The following PSD2 variants were observed in gnomAD, a reference collection of about 807,000 sequenced individuals.
The protein encoded by PSD2 is PH and SEC7 domain-containing protein 2.
In PSD2, 38 loss-of-function variants were observed where a neutral mutation model predicts 69.8. That is an observed-to-expected ratio of 0.54 (90% CI 0.42 to 0.71). The LOEUF is 0.71. Among genes scored for constraint, PSD2 ranks in the 30% least tolerant of loss-of-function variants. The pLI is 0.00. For synonymous variants in PSD2, 412 were observed against 423.0 expected (o/e 0.97, Z 0.32); for missense variants, 943 against 1,014.5 (o/e 0.93, Z 0.96).
chr5:139,778,119 G>A, the PSD2 span, among the ~76,000 whole-genome samples: 5 of 152,248 alleles, frequency 3.3e-5, no homozygotes, highest in Non-Finnish European at 5.9e-5. Flanking sequence ...CACTGCAAAT[G>A]TCAGTCAAAG....
At chr5:139,786,739 T>C in the PSD2 span, among the ~76,000 whole-genome samples, 1 of 152,074 alleles carries the variant, frequency 6.6e-6, no homozygotes, top group Non-Finnish European at 1.5e-5. Context: ...CTGCTTGTAC[T>C]GCACTGTTGG....
chr5:139,759,159 C>T, the PSD2 span, among the ~76,000 whole-genome samples: 1 of 152,170 alleles, frequency 6.6e-6, no homozygotes, highest in Non-Finnish European at 1.5e-5. Context: ...CTCCCCCATT[C>T]TCCGTCTCTC....
At chr5:139,797,032 G>A (rs1399400191) in intron 1 of PSD2, among the ~76,000 whole-genome samples, 1 of 152,162 alleles carries the variant, frequency 6.6e-6, no homozygotes, top group Non-Finnish European at 1.5e-5. Context: ...TGGGGGTGGG[G>A]GGGTTCACTG....
chr5:139,843,661 T>C lies in PSD2; in HGVS notation c.*1187T>C, dbSNP rs552758971. 6.6e-6 allele frequency: 1 copy of C among 152,380 alleles called. No individual in the cohort carries two copies. Among genetic ancestry groups the C allele is most frequent in the East Asian group, 1.9e-4 (1 of 5,184 alleles). The allele number at this position is 152,380 out of a possible 1,614,324, so 9.4% of individuals were successfully genotyped here. A position where few individuals can be genotyped will look rare whatever the true frequency, so the allele number is the denominator to read the frequency against. ...GGAATGACAAGTTATTGATTGTTTT[T>C]CTGTCGCTATTTCTTTCATTTGTCT... On this transcript the variant is annotated 3_prime_UTR_variant, in exon 15 of 15. Coordinates refer to ENST00000274710, the MANE Select transcript of PSD2 (RefSeq NM_032289.4).
At chr5:139,776,495 T>G in the PSD2 span, among the ~76,000 whole-genome samples, 1 of 152,126 alleles carries the variant, frequency 6.6e-6, no homozygotes, top group Non-Finnish European at 1.5e-5. Context: ...AACGGCTGGA[T>G]GACCCCAGAA....
chr5:139,792,781 C>T (rs539636802), upstream of PSD2, among the ~76,000 whole-genome samples: 2 of 144,124 alleles, frequency 1.4e-5, no homozygotes, highest in African/African-American at 2.7e-5. Flanking sequence ...CTTCCTTCCT[C>T]CCTCCCTCCC....
At chr5:139,749,359 C>T in the PSD2 span, among the ~76,000 whole-genome samples, 1 of 152,178 alleles carries the variant, frequency 6.6e-6, no homozygotes. Flanking sequence ...GGTGTGTTGT[C>T]CTGATCTTCT....
chr5:139,813,383 T>G lies in PSD2; in HGVS notation c.446T>G (p.Leu149Arg). 6.2e-7 allele frequency: 1 copy of G among 1,603,574 alleles called. No individual in the cohort carries two copies. The highest frequency in any genetic ancestry group is 8.5e-7 in the Non-Finnish European group (1 of 1,171,576). The change falls in exon 3 of 15, where the codon CTG (leucine) becomes CGG (arginine). Residue 149 changes from leucine to arginine, a missense_variant. By Grantham distance (102) the Leu-to-Arg change is moderately radical. Around this residue, in one of 3 missense-constraint regions of PSD2, gnomAD observed 466 missense variants for 445.0 expected, o/e 1.05. Transcript: ENST00000274710. Reference sequence around the variant, plus strand: ...TTTGAGAAGATTCTGGAGTCAGAGCTGCTGCGGGGCACCCAGTACAGCAGC... The same window carrying G: ...TTTGAGAAGATTCTGGAGTCAGAGCGGCTGCGGGGCACCCAGTACAGCAGC... Reference protein sequence around the residue: ...ATFEKILESELLRGTQYSSLD... With the variant: ...ATFEKILESERLRGTQYSSLD...
chr5:139,780,553 C>A, the PSD2 span, among the ~76,000 whole-genome samples: 1 of 152,092 alleles, frequency 6.6e-6, no homozygotes. Flanking sequence ...AAGTGATTCT[C>A]CTGCCTCAGC....
intron 5 of PSD2, among the ~76,000 whole-genome samples, chr5:139,819,349 G>T (rs1760199585): frequency 6.6e-6 from 1 of 152,164 alleles, no homozygotes; most frequent in East Asian, 1.9e-4. Context: ...CCCCTTGTTG[G>T]CTCAGAAGCC....
At chr5:139,823,407 C>T (rs929403117) in intron 7 of PSD2, among the ~76,000 whole-genome samples, 18 of 152,214 alleles carry the variant, frequency 1.2e-4, no homozygotes, top group African/African-American at 4.1e-4. Flanking sequence ...CTGGCTCCAC[C>T]CCATCTCTGC....
At chr5:139,808,432 T>G (rs1334809046) in intron 1 of PSD2, among the ~76,000 whole-genome samples, 1 of 152,144 alleles carries the variant, frequency 6.6e-6, no homozygotes, top group African/African-American at 2.4e-5. Flanking sequence ...GGTCTCCTCA[T>G]TTTACAGAAG....
chr5:139,779,132 A>ATT, the PSD2 span, among the ~76,000 whole-genome samples: 2 of 151,754 alleles, frequency 1.3e-5, no homozygotes, highest in African/African-American at 4.9e-5. Context: ...TTTATTTATT[A>ATT]ATTTTTTTTA....
At chr5:139,838,372 T>A (rs889019) in intron 12 of PSD2, among the ~76,000 whole-genome samples, 2 of 152,142 alleles carry the variant, frequency 1.3e-5, no homozygotes, top group Non-Finnish European at 2.9e-5. Flanking sequence ...CCAGGGCCAC[T>A]AGCTGTGGAC....
chr5:139,785,590 CACTT>C, the PSD2 span, among the ~76,000 whole-genome samples: 1 of 152,164 alleles, frequency 6.6e-6, no homozygotes, highest in Non-Finnish European at 1.5e-5. Flanking sequence ...TTATATACTT[CACTT>C]ACTTATTATG....
In PSD2 at chr5:139,844,209, C is replaced by G. The variant is rs1401469725; in HGVS notation, c.*1735C>G. ...GTGAGTTTCGGGGTCAGTGTCCCAC[C>G]CTTCACTTCCCGAGGGCGGGTGAGT... is the stretch of plus-strand genomic sequence containing the variant. On this transcript the variant is annotated 3_prime_UTR_variant, in exon 15 of 15. Coordinates refer to ENST00000274710, the MANE Select transcript of PSD2 (RefSeq NM_032289.4). 6.6e-6 allele frequency: 1 copy of G among 152,214 alleles called. No individual in the cohort carries two copies. The highest frequency in any genetic ancestry group is 1.5e-5 in the Non-Finnish European group (1 of 68,046). The allele number at this position is 152,214 out of a possible 1,614,324, so 9.4% of individuals were successfully genotyped here. A position where few individuals can be genotyped will look rare whatever the true frequency, so the allele number is the denominator to read the frequency against.
Position 139,803,751 on chromosome 5 carries a change from G to A in PSD2, c.-50-5640G>A, listed in dbSNP as rs182451809. On this transcript the variant is annotated intron_variant, in intron 1 of 14. Transcript: ENST00000274710. The stretch of plus-strand genomic sequence containing the variant: ...AGGGTCACTTTGGGATGTGGAATCC[G>A]GGAAGTTCCCTAGGCTCCTGGGTGG... 1.1e-3 allele frequency among the ~76,000 whole-genome samples: 162 copies of A among 152,294 alleles called. 1 individual carries two copies. Among genetic ancestry groups the A allele is most frequent in the African/African-American group, 2.3e-3 (95 of 41,570 alleles).
the PSD2 span, among the ~76,000 whole-genome samples, chr5:139,785,228 T>C: frequency 4.2e-3 from 612 of 144,942 alleles, 6 homozygotes; most frequent in African/African-American, 0.015. Context: ...TTCCCTCCCT[T>C]CCTTCCTTTT....
the PSD2 span, among the ~76,000 whole-genome samples, chr5:139,771,662 G>T: frequency 3.9e-5 from 6 of 152,168 alleles, no homozygotes; most frequent in Non-Finnish European, 5.9e-5. Flanking sequence ...ACAGTCTTGA[G>T]CCACCGCGCC....
Sources: allele counts gnomAD v4.1 joint callset (sites outside exome capture counted in the v4.1 genomes callset), GRCh38; gene constraint gnomAD v4.1.1; regional missense constraint gnomAD v4.1.1; transcripts MANE v1.5; gene names NCBI Gene and HGNC (gene_info 2026-07-23, HGNC 2026-07-21).